The following CSMD3 variants were observed in gnomAD, a reference collection of about 807,000 sequenced individuals.
CSMD3 encodes CUB and Sushi multiple domains 3, also known as CUB and sushi domain-containing protein 3.
In CSMD3, 177 loss-of-function variants were observed where a neutral mutation model predicts 435.2. That is an observed-to-expected ratio of 0.41 (90% CI 0.36 to 0.46). The LOEUF is 0.46. CSMD3 is among the 20% of genes least tolerant of loss of function. The pLI, the probability that CSMD3 is intolerant of heterozygous loss-of-function variation, is 0.34. For missense variants in CSMD3, 4,265 were observed against 4,504.6 expected (o/e 0.95, Z 1.52); for synonymous variants, 1,656 against 1,520.5 (o/e 1.09, Z -2.07).
intron 9 of CSMD3, among the ~76,000 whole-genome samples, chr8:112,927,166 A>T (rs112559578): frequency 0.034 from 5,132 of 152,204 alleles, 149 homozygotes; most frequent in Middle Eastern, 0.051. Context: ...GTAATTGCAC[A>T]TTAGAATATC....
At position 112,801,846 on chromosome 8, in the gene CSMD3, C is replaced by T. The variant is rs1352393308; in HGVS notation, c.1860-1572G>A. ...AGCATGTACATCAGCTATACCATAT[C>T]AAACATACCAGCAAACTACCTCAAA... On this transcript the variant is annotated intron_variant, in intron 12 of 70. Coordinates refer to ENST00000297405, the MANE Select transcript of CSMD3 (RefSeq NM_198123.2). Among the ~76,000 whole-genome samples, 4 of 151,996 alleles carry T rather than the reference C, an allele frequency of 2.6e-5. No individual in the cohort carries two copies. The East Asian group carries it at 7.7e-4, about 29-fold the overall frequency.
intron 1 of CSMD3, among the ~76,000 whole-genome samples, chr8:113,390,643 C>T (rs1021579585): frequency 1.3e-5 from 2 of 151,706 alleles, no homozygotes; most frequent in East Asian, 1.9e-4. Flanking sequence ...AACAAGGGAA[C>T]GCTTTGTCTT....
intron 63 of CSMD3, among the ~76,000 whole-genome samples, chr8:112,251,124 T>C (rs1815218611): frequency 6.6e-6 from 1 of 151,840 alleles, no homozygotes; most frequent in Non-Finnish European, 1.5e-5. Context: ...TAATATCACA[T>C]GTTTGTTTAA....
At chr8:112,351,414 A>G (rs1826125482) in intron 39 of CSMD3, among the ~76,000 whole-genome samples, 170 bp from the exon 40 acceptor site, 1 of 152,052 alleles carries the variant, frequency 6.6e-6, no homozygotes, top group Non-Finnish European at 1.5e-5. Flanking sequence ...AGGTGATTAT[A>G]TACACCTATG....
chr8:112,598,723 C>T (rs1377330145), intron 22 of CSMD3, among the ~76,000 whole-genome samples: 1 of 150,528 alleles, frequency 6.6e-6, no homozygotes, highest in African/African-American at 2.4e-5. Flanking sequence ...CGCATATCTA[C>T]AACTATCTGA....
chr8:113,136,609 T>C (rs537186911), intron 4 of CSMD3, among the ~76,000 whole-genome samples: 1 of 151,724 alleles, frequency 6.6e-6, no homozygotes, highest in East Asian at 2.0e-4. Context: ...GCAAAGCTAG[T>C]TTGTCATGGA....
intron 1 of CSMD3, among the ~76,000 whole-genome samples, chr8:113,368,081 C>A (rs2094324339): frequency 6.6e-6 from 1 of 152,082 alleles, no homozygotes; most frequent in Middle Eastern, 3.2e-3. Flanking sequence ...ACTACACTTC[C>A]TATTTGTCCT....
chr8:113,380,839 T>C (rs1419564238), intron 1 of CSMD3, among the ~76,000 whole-genome samples: 6 of 152,036 alleles, frequency 3.9e-5, no homozygotes, highest in Middle Eastern at 3.2e-3. Context: ...CTTTTCAGAA[T>C]ATGTGATGTG....
chr8:113,060,972 A>G (rs1425051431), intron 5 of CSMD3, among the ~76,000 whole-genome samples: 3 of 152,138 alleles, frequency 2.0e-5, no homozygotes, highest in Non-Finnish European at 4.4e-5. Context: ...TTTTCTATAC[A>G]ATTATCTTCT....
chr8:112,944,907 T>A (rs563011920), intron 9 of CSMD3, among the ~76,000 whole-genome samples: 2 of 151,812 alleles, frequency 1.3e-5, no homozygotes, highest in African/African-American at 4.8e-5. Context: ...TATCTACACA[T>A]AATTTTTTAA....
rs1383883977 is a variant in CSMD3, at chr8:112,346,336, T to C, written c.6326-123A>G. On this transcript the variant is annotated intron_variant, in intron 40 of 70. Coordinates refer to ENST00000297405, the MANE Select transcript of CSMD3 (RefSeq NM_198123.2). ...GTTAAAACTGATATAAATTTGAATA[T>C]TGTCTGTTCACTCACTATACACTAG... The C allele has an allele frequency of 7.6e-5, 55 of 721,646 alleles. No individual in the cohort carries two copies. In the Middle Eastern group the frequency reaches 1.4e-3, roughly 18 times the overall value. The allele number at this position is 721,646 out of a possible 1,614,324, so 44.7% of individuals were successfully genotyped here.
chr8:112,992,242 C>T (rs1315867291), intron 6 of CSMD3, among the ~76,000 whole-genome samples: 5 of 151,438 alleles, frequency 3.3e-5, no homozygotes, highest in African/African-American at 4.8e-5. Flanking sequence ...CCCTCTCCTT[C>T]GTCCCTCCCT....
At chr8:112,978,597 G>C (rs531176725) in intron 6 of CSMD3, among the ~76,000 whole-genome samples, 9 of 152,050 alleles carry the variant, frequency 5.9e-5, no homozygotes, top group African/African-American at 1.9e-4. Flanking sequence ...TGAAGATTCA[G>C]TACTATTCCC....
At chr8:112,774,768 T>C (rs148971142) in intron 13 of CSMD3, among the ~76,000 whole-genome samples, 314 of 152,168 alleles carry the variant, frequency 2.1e-3, no homozygotes, top group Non-Finnish European at 3.9e-3. Context: ...AGGGCTTCTA[T>C]CTTTTCTGTA....
intron 15 of CSMD3, 138 bp downstream of exon 15, chr8:112,685,268 C>A: frequency 1.5e-6 from 1 of 653,548 alleles, no homozygotes; most frequent in Non-Finnish European, 2.6e-6. Flanking sequence ...AAGAAATGAC[C>A]ATCCTTGGCA....
chr8:113,049,731 A>G (rs1342081707), intron 5 of CSMD3, among the ~76,000 whole-genome samples: 1 of 152,202 alleles, frequency 6.6e-6, no homozygotes. Flanking sequence ...ATTAAAAATG[A>G]TCTTAGAAAG....
At chr8:112,530,013 C>T (rs1240699336) in intron 27 of CSMD3, among the ~76,000 whole-genome samples, 4 of 151,812 alleles carry the variant, frequency 2.6e-5, no homozygotes, top group African/African-American at 7.3e-5. Flanking sequence ...AACACAATAA[C>T]TAAAGTGAAA....
intron 13 of CSMD3, among the ~76,000 whole-genome samples, chr8:112,736,507 T>C (rs1332730194): frequency 6.6e-6 from 1 of 151,996 alleles, no homozygotes; most frequent in African/African-American, 2.4e-5. Flanking sequence ...TAGTCTGCAG[T>C]AACATTTCTC....
chr8:113,298,492 T>C (rs1588465082), intron 2 of CSMD3, among the ~76,000 whole-genome samples: 1 of 152,312 alleles, frequency 6.6e-6, no homozygotes, highest in East Asian at 1.9e-4. Context: ...AAAATATTCC[T>C]TTTAAACTTA....
Sources: gnomAD v4.1 joint callset for allele counts (sites outside exome capture counted in the v4.1 genomes callset) on GRCh38, gnomAD v4.1.1 for gene constraint, MANE v1.5 for transcripts, NCBI Gene and HGNC (gene_info 2026-07-23, HGNC 2026-07-21) for gene names.